NEGR1: variants seen among roughly 807,000 people sequenced by gnomAD.
The protein encoded by NEGR1 is neuronal growth regulator 1, also known as IgLON family member 4.
A neutral mutation model predicts 40.9 loss-of-function variants in NEGR1; 10 were observed. The observed-to-expected ratio is 0.24, with a 90% CI of 0.15 to 0.42. NEGR1 has a LOEUF of 0.42. Among genes scored for constraint, NEGR1 ranks in the 10% least tolerant of loss-of-function variants. The pLI, the probability that NEGR1 is intolerant of heterozygous loss-of-function variation, is 1.00. For synonymous variants in NEGR1, 185 were observed against 166.8 expected (o/e 1.11, Z -0.84); for missense variants, 352 against 438.9 (o/e 0.80, Z 1.77).
chr1:71,871,639 T>C (rs956572086), intron 2 of NEGR1, among the ~76,000 whole-genome samples: 5 of 152,218 alleles, frequency 3.3e-5, no homozygotes, highest in African/African-American at 1.2e-4. Context: ...CATGACAAGT[T>C]AAGCTGATCT....
At chr1:71,974,193 C>G (rs565740985) in intron 1 of NEGR1, among the ~76,000 whole-genome samples, 5 of 152,296 alleles carry the variant, frequency 3.3e-5, no homozygotes, top group East Asian at 1.9e-4. Flanking sequence ...ACATTCACAA[C>G]TGTTCATTGG....
At chr1:71,499,536 T>G (rs1453317215) in intron 6 of NEGR1, among the ~76,000 whole-genome samples, 1 of 148,858 alleles carries the variant, frequency 6.7e-6, no homozygotes, top group Admixed American at 6.7e-5. Flanking sequence ...TATATTAGTG[T>G]TTACCATATG....
rs1175572560 is a variant in NEGR1 at position 71,653,016 on chromosome 1, GC to G, written c.668-41871del. On this transcript the variant is annotated intron_variant, in intron 4 of 6. Coordinates refer to ENST00000357731, the MANE Select transcript of NEGR1 (RefSeq NM_173808.3). Reference sequence around the variant, plus strand: ...TATTCACTGACTCATTGACCTCCCTGCCCCCATTTCAAAGTACATTCACTGA... The same window carrying G: ...TATTCACTGACTCATTGACCTCCCTGCCCCATTTCAAAGTACATTCACTGA... 7.9e-5 allele frequency among the ~76,000 whole-genome samples: 12 copies of G among 152,008 alleles called. No individual in the cohort carries two copies. In the East Asian group the frequency reaches 1.7e-3, roughly 22 times the overall value.
intron 1 of NEGR1, among the ~76,000 whole-genome samples, chr1:72,140,882 A>G (rs1376157090): frequency 6.6e-6 from 1 of 151,960 alleles, no homozygotes; most frequent in African/African-American, 2.4e-5. Flanking sequence ...TTCCAAAAGG[A>G]ATTTATATTT....
At chr1:71,566,746 G>A (rs1381237021) in intron 6 of NEGR1, among the ~76,000 whole-genome samples, 5 of 152,116 alleles carry the variant, frequency 3.3e-5, no homozygotes, top group Non-Finnish European at 7.3e-5. Flanking sequence ...AGTGTATTTG[G>A]GCTGCTGTAA....
chr1:72,016,170 C>A (rs766943508), intron 1 of NEGR1, among the ~76,000 whole-genome samples: 1 of 151,584 alleles, frequency 6.6e-6, no homozygotes. Context: ...CTAAACTGAC[C>A]AAAGGAGAAC....
chr1:71,996,528 C>T (rs1646505828), intron 1 of NEGR1, among the ~76,000 whole-genome samples: 1 of 152,042 alleles, frequency 6.6e-6, no homozygotes, highest in Admixed American at 6.6e-5. Context: ...AAGTTGGATA[C>T]TCTCACAATC....
At chr1:72,013,963 TAAA>T (rs1161156816) in intron 1 of NEGR1, among the ~76,000 whole-genome samples, 14 of 88,488 alleles carry the variant, frequency 1.6e-4, no homozygotes, top group Non-Finnish European at 3.0e-4. Context: ...CTGTGAAAAA[TAAA>T]AAAAAAAAAA....
chr1:71,988,984 C>A (rs1646427840), intron 1 of NEGR1, among the ~76,000 whole-genome samples: 1 of 123,892 alleles, frequency 8.1e-6, no homozygotes, highest in Non-Finnish European at 1.7e-5. Flanking sequence ...TAGGGAGATA[C>A]ACAAAACTAG....
chr1:72,152,370 A>AT (rs1651158044), intron 1 of NEGR1, among the ~76,000 whole-genome samples: 1 of 152,004 alleles, frequency 6.6e-6, no homozygotes, highest in Admixed American at 6.6e-5. Flanking sequence ...TTGAAGAGGC[A>AT]TTTATTGCTT....
chr1:71,852,054 T>A (rs527993241), intron 2 of NEGR1, among the ~76,000 whole-genome samples: 2 of 152,326 alleles, frequency 1.3e-5, no homozygotes, highest in East Asian at 1.9e-4. Context: ...TATAAAGCTA[T>A]CCTTTACCAT....
chr1:72,072,399 G>C (rs1185749285), intron 1 of NEGR1, among the ~76,000 whole-genome samples: 3 of 151,976 alleles, frequency 2.0e-5, no homozygotes, highest in Non-Finnish European at 4.4e-5. Context: ...CATGCCGGGG[G>C]ACAGCTCTTA....
At chr1:71,846,790 C>G (rs950417644) in intron 2 of NEGR1, among the ~76,000 whole-genome samples, 2 of 152,104 alleles carry the variant, frequency 1.3e-5, no homozygotes, top group Non-Finnish European at 2.9e-5. Flanking sequence ...CCTCACAGTG[C>G]GGAAGAGGCA....
intron 1 of NEGR1, among the ~76,000 whole-genome samples, chr1:72,134,213 C>CTTTTTT (rs538728682): frequency 7.3e-6 from 1 of 136,096 alleles, no homozygotes. Flanking sequence ...TTTTTTTTTT[C>CTTTTTT]TTTTTTTTTT....
intron 1 of NEGR1, among the ~76,000 whole-genome samples, chr1:72,167,477 TG>T (rs1274596311): frequency 1.3e-5 from 2 of 152,162 alleles, no homozygotes; most frequent in African/African-American, 4.8e-5. Flanking sequence ...AAAATACCAT[TG>T]TTTTTATTAG....
At chr1:71,793,101 G>A (rs1051087662) in intron 2 of NEGR1, among the ~76,000 whole-genome samples, 1 of 148,064 alleles carries the variant, frequency 6.8e-6, no homozygotes, top group African/African-American at 2.5e-5. Context: ...ATCACATATT[G>A]AAGATGGCAT....
In NEGR1 at chr1:71,426,525, G is replaced by T. The variant is rs1646429622; in HGVS notation, c.941-18955C>A. Among the ~76,000 whole-genome samples the T allele has an allele frequency of 2.0e-5, 3 of 149,244 alleles. No individual in the cohort carries two copies. In the South Asian group the frequency reaches 6.3e-4, roughly 31 times the overall value. The stretch of plus-strand genomic sequence containing the variant: ...ACTAGCAAGATCAAGCGTACTGTAG[G>T]TGGTATTTCATCTTATCATATTAAA... On this transcript the variant is annotated intron_variant, in intron 6 of 6. Coordinates refer to ENST00000357731, the MANE Select transcript of NEGR1 (RefSeq NM_173808.3).
chr1:71,947,775 TA>T (rs879569675), intron 1 of NEGR1, among the ~76,000 whole-genome samples: 1,791 of 120,426 alleles, frequency 0.015, 16 homozygotes, highest in African/African-American at 0.032. Flanking sequence ...GTTGGTCACT[TA>T]AAAAAAAAAA....
At chr1:71,652,720 C>G (rs556101830) in intron 4 of NEGR1, among the ~76,000 whole-genome samples, 1 of 152,056 alleles carries the variant, frequency 6.6e-6, no homozygotes, top group East Asian at 1.9e-4. Context: ...CTAAAATTAA[C>G]CAGGTGTGGT....
Sources: allele counts gnomAD v4.1 joint callset (sites outside exome capture counted in the v4.1 genomes callset), GRCh38; gene constraint gnomAD v4.1.1; transcripts MANE v1.5; gene names NCBI Gene and HGNC (gene_info 2026-07-23, HGNC 2026-07-21).